INPP5D: variants seen among roughly 807,000 people sequenced by gnomAD.
INPP5D encodes the protein inositol polyphosphate-5-phosphatase D, also known as phosphatidylinositol 3,4,5-trisphosphate 5-phosphatase 1.
In INPP5D, 33 loss-of-function variants were observed where a neutral mutation model predicts 122.9. That is an observed-to-expected ratio of 0.27 (90% CI 0.20 to 0.36). The LOEUF is 0.36. INPP5D is among the 10% of genes least tolerant of loss of function. The pLI is 1.00. For synonymous variants in INPP5D, 584 were observed against 576.2 expected (o/e 1.01, Z -0.19); for missense variants, 1,053 against 1,412.7 (o/e 0.75, Z 4.08).
intron 3 of INPP5D, among the ~76,000 whole-genome samples, chr2:233,124,924 C>T (rs1050026169): frequency 7.2e-5 from 11 of 152,250 alleles, no homozygotes; most frequent in Admixed American, 2.0e-4. Flanking sequence ...ACCGCCAGAC[C>T]GTGGAGCTCG....
chr2:233,101,009 A>C (rs980959320), intron 2 of INPP5D, among the ~76,000 whole-genome samples: 1 of 149,652 alleles, frequency 6.7e-6, no homozygotes, highest in Non-Finnish European at 1.5e-5. Flanking sequence ...TCTTGTGCTA[A>C]CTGCATTTCT....
chr2:233,110,884 C>T (rs980256019), intron 2 of INPP5D, among the ~76,000 whole-genome samples: 1 of 151,610 alleles, frequency 6.6e-6, no homozygotes, highest in African/African-American at 2.4e-5. Flanking sequence ...AAGATCACAC[C>T]ACTGCACTCC....
chr2:233,060,930 C>T (rs1691055764), intron 1 of INPP5D, among the ~76,000 whole-genome samples: 1 of 152,150 alleles, frequency 6.6e-6, no homozygotes, highest in African/African-American at 2.4e-5. Flanking sequence ...CAGGAGGAAG[C>T]TCAGGGCTCT....
intron 1 of INPP5D, among the ~76,000 whole-genome samples, chr2:233,066,200 C>T (rs1050455794): frequency 6.6e-6 from 1 of 151,812 alleles, no homozygotes; most frequent in Non-Finnish European, 1.5e-5. Flanking sequence ...GTGGTTCTCC[C>T]ACCTTGGCCT....
intron 17 of INPP5D, among the ~76,000 whole-genome samples, chr2:233,173,333 A>C (rs1694540741): frequency 6.6e-6 from 1 of 152,164 alleles, no homozygotes; most frequent in Non-Finnish European, 1.5e-5. Flanking sequence ...GCGAAGGCCT[A>C]GGACATTACT....
chr2:233,154,126 A>G (rs1693989540), intron 9 of INPP5D, among the ~76,000 whole-genome samples: 2 of 150,818 alleles, frequency 1.3e-5, no homozygotes, highest in Admixed American at 1.3e-4. Context: ...GGACACAAAG[A>G]CAAAACACTT....
At position 233,145,322 on chromosome 2, in the gene INPP5D, A is replaced by T. The variant is rs762355224; in HGVS notation, c.754-840A>T. 84 of 456,180 alleles carry T rather than the reference A, an allele frequency of 1.8e-4. 4 individuals are homozygous for T. The highest frequency in any genetic ancestry group is 1.3e-3 in the South Asian group (82 of 64,572). 28.3% of individuals were successfully genotyped at this position (456,180 alleles called of 1,614,324 possible). ...TCTCTGGGCCCTGTATGTACTGAAC[A>T]ACTTAACGGAGCATCTTCGTTGGCC... On this transcript the variant is annotated intron_variant, in intron 6 of 26. Coordinates refer to ENST00000445964, the MANE Select transcript of INPP5D (RefSeq NM_001017915.3).
rs1369662022 is a variant in INPP5D, at chr2:233,170,400, C to T, written c.1792-96C>T. 6 of 1,554,984 alleles carry T rather than the reference C, an allele frequency of 3.9e-6. No homozygotes were observed. In the African/African-American group the frequency reaches 8.1e-5, roughly 21 times the overall value. On this transcript the variant is annotated intron_variant, in intron 15 of 26. Coordinates refer to ENST00000445964, the MANE Select transcript of INPP5D (RefSeq NM_001017915.3). This position sits in a 1 kb window ranked among gnomAD's most constrained non-coding sequence, Gnocchi z 4.5. ...CCACCCTGCCACCATCACTCTGCAGCCCGGGTCATCCAGCTGCCCGCCCCC... is the reference window on the plus strand; with the variant it reads ...CCACCCTGCCACCATCACTCTGCAGTCCGGGTCATCCAGCTGCCCGCCCCC...
At position 233,130,826 on chromosome 2, in the gene INPP5D, G is replaced by C. The variant is rs1248248658; in HGVS notation, c.665+178G>C. ...GGTTGTTTGGAGGTCTTGTTATCAT[G>C]GAATTTGAACAGTAGCTTGTGTGTG... On this transcript the variant is annotated intron_variant, in intron 5 of 26. Transcript: ENST00000445964. The C allele has an allele frequency of 3.9e-6, 3 of 770,816 alleles. No individual in the cohort carries two copies. In the Admixed American group the frequency reaches 6.0e-5, roughly 15 times the overall value. 47.7% of individuals were successfully genotyped at this position (770,816 alleles called of 1,614,324 possible).
intron 2 of INPP5D, among the ~76,000 whole-genome samples, chr2:233,090,035 C>T (rs929865052): frequency 5.3e-5 from 8 of 152,194 alleles, no homozygotes; most frequent in Non-Finnish European, 8.8e-5. Flanking sequence ...GTAGGCGACC[C>T]GGTGTCTGTC....
At chr2:233,199,152 C>T (rs1172501174) in intron 25 of INPP5D, among the ~76,000 whole-genome samples, 3 of 151,318 alleles carry the variant, frequency 2.0e-5, no homozygotes, top group Non-Finnish European at 4.4e-5. Flanking sequence ...GCAGGAGAAT[C>T]GCTTGAGCCC....
chr2:233,130,496 T>G lies in INPP5D; in HGVS notation c.525-12T>G. 6.2e-7 allele frequency: 1 copy of G among 1,612,184 alleles called. No homozygotes were observed. ...AGGCAAGCATAGTTTGTTTCTTTTT[T>G]CTTTTCTTTAGGCTTCCAGAAGAGC... On this transcript the variant is annotated splice_polypyrimidine_tract_variant and intron_variant, in intron 4 of 26. Coordinates refer to ENST00000445964, the MANE Select transcript of INPP5D (RefSeq NM_001017915.3).
rs1009641728 is a variant in INPP5D, at chr2:233,176,315, CGATG to C, written c.1990-910_1990-907del. On this transcript the variant is annotated intron_variant, in intron 17 of 26. Transcript: ENST00000445964. ...CGGTCAATGGATGAGTGGATGGGTG[CGATG>C]GATGGATGGATGGATGGATGGATGG... Among the ~76,000 whole-genome samples, 107 of 20,656 alleles carry C rather than the reference CGATG, an allele frequency of 5.2e-3. 2 individuals are homozygous for C. In the Middle Eastern group the frequency reaches 0.18, roughly 35 times the overall value. The allele number at this position is 20,656 out of a possible 152,430, so 13.6% of individuals were successfully genotyped here.
chr2:233,199,936 G>A (rs546235480), intron 25 of INPP5D, among the ~76,000 whole-genome samples: 5 of 152,302 alleles, frequency 3.3e-5, no homozygotes, highest in South Asian at 2.1e-4. Context: ...GAGCCTGCTC[G>A]CACCCTCCAG....
chr2:233,102,554 T>C (rs1317703904), intron 2 of INPP5D, among the ~76,000 whole-genome samples: 3 of 152,200 alleles, frequency 2.0e-5, no homozygotes, highest in Admixed American at 2.0e-4. Context: ...AGTCAGGCTA[T>C]GTGATCAAAA....
Position 233,170,050 on chromosome 2 carries a change from T to G in INPP5D, c.1677T>G (p.Ile559Met). 6.2e-7 allele frequency: 1 copy of G among 1,613,960 alleles called. No homozygotes were observed. Among genetic ancestry groups the G allele is most frequent in the Non-Finnish European group, 8.5e-7 (1 of 1,179,868 alleles). ...GGCGAAACCAAAACTATATGAACAT[T>G]CTCCGGTTCCTGGCCCTGGGCGACA... ...KLRRNQNYMNILRFLALGDKK... is the reference protein window; with the variant it reads ...KLRRNQNYMNMLRFLALGDKK... Residue 559 changes from isoleucine to methionine, a missense_variant, in exon 15 of 27, where the codon ATT (isoleucine) becomes ATG (methionine). Transcript: ENST00000445964. The surrounding 1 kb of genome is among the most constrained non-coding windows in gnomAD (Gnocchi z 4.5).
intron 5 of INPP5D, chr2:233,133,977 C>T (rs1031016799): frequency 4.4e-6 from 2 of 456,080 alleles, no homozygotes; most frequent in African/African-American, 2.0e-5. Flanking sequence ...TGGCTGGGGG[C>T]GTGCAGATGC....
chr2:233,187,047 G>A (rs1694940533), intron 21 of INPP5D, among the ~76,000 whole-genome samples: 1 of 151,930 alleles, frequency 6.6e-6, no homozygotes, highest in Non-Finnish European at 1.5e-5. Flanking sequence ...AGCCAGACAT[G>A]ATGGCACATG....
At chr2:233,080,078 C>T (rs112435775) in intron 2 of INPP5D, among the ~76,000 whole-genome samples, 34 of 152,150 alleles carry the variant, frequency 2.2e-4, no homozygotes, top group African/African-American at 6.0e-4. Context: ...TATAGGTGCC[C>T]GCCACCATGC....
Sources: allele counts gnomAD v4.1 joint callset (sites outside exome capture counted in the v4.1 genomes callset), GRCh38; gene constraint gnomAD v4.1.1; non-coding constraint Gnocchi (gnomAD v3.1); transcripts MANE v1.5; gene names NCBI Gene and HGNC (gene_info 2026-07-23, HGNC 2026-07-21).